Variants in FAM78B observed in about 807,000 individuals in gnomAD.
FAM78B encodes the protein protein FAM78B.
In FAM78B, 10 loss-of-function variants were observed where a neutral mutation model predicts 20.0. That is an observed-to-expected ratio of 0.50 (90% CI 0.31 to 0.85). The LOEUF is 0.85. Among genes scored for constraint, FAM78B ranks in the 40% least tolerant of loss-of-function variants. The pLI is 0.05. For synonymous variants in FAM78B, 135 were observed against 132.8 expected, an observed-to-expected ratio of 1.02 and a Z score of -0.12; for missense variants, 283 against 345.0, an observed-to-expected ratio of 0.82 and a Z score of 1.42.
At chr1:166,144,679 C>T (rs1655397467) in intron 1 of FAM78B, among the ~76,000 whole-genome samples, 1 of 152,128 alleles carries the variant, frequency 6.6e-6, no homozygotes, top group Non-Finnish European at 1.5e-5. Context: ...GGCTGTTTAT[C>T]TCTCAAACCT....
intron 1 of FAM78B, among the ~76,000 whole-genome samples, chr1:166,084,237 A>ACACACACACACACACACACACTCT (rs771421402): frequency 4.8e-5 from 6 of 125,476 alleles, no homozygotes; most frequent in African/African-American, 1.8e-4. Context: ...ACACACACAC[A>ACACACACACACACACACACACTCT]CTCTCTCTCT....
intron 1 of FAM78B, among the ~76,000 whole-genome samples, chr1:166,145,357 T>G (rs758590127): frequency 5.9e-5 from 9 of 152,214 alleles, no homozygotes; most frequent in Non-Finnish European, 1.3e-4. Flanking sequence ...CCTGTCTCAC[T>G]TCCCTGCCTG....
intron 1 of FAM78B, among the ~76,000 whole-genome samples, chr1:166,083,799 CT>C (rs33994343): frequency 0.022 from 2,038 of 92,210 alleles, 29 homozygotes; most frequent in African/African-American, 0.045. Context: ...ACGCACCCAG[CT>C]TTTTTTTTTT....
intron 1 of FAM78B, among the ~76,000 whole-genome samples, chr1:166,122,872 G>T (rs1398345136): frequency 6.6e-6 from 1 of 152,086 alleles, no homozygotes; most frequent in Non-Finnish European, 1.5e-5. Flanking sequence ...TCTGTTTTCA[G>T]GTTATCTTTA....
intron 1 of FAM78B, among the ~76,000 whole-genome samples, chr1:166,099,825 G>T (rs750511609): frequency 6.6e-6 from 1 of 152,164 alleles, no homozygotes; most frequent in African/African-American, 2.4e-5. Context: ...CACAATAATG[G>T]TAGGGGACTT....
intron 1 of FAM78B, among the ~76,000 whole-genome samples, chr1:166,153,148 G>T (rs958860276): frequency 6.6e-6 from 1 of 152,224 alleles, no homozygotes; most frequent in Non-Finnish European, 1.5e-5. Flanking sequence ...GGAAGACAGA[G>T]TGACTCATGG....
chr1:166,088,604 G>A (rs1215094929), intron 1 of FAM78B, among the ~76,000 whole-genome samples: 2 of 152,234 alleles, frequency 1.3e-5, no homozygotes, highest in Non-Finnish European at 2.9e-5. Context: ...AACGGTAGGT[G>A]TCACACTTAC....
At chr1:166,096,381 C>A (rs920430436) in intron 1 of FAM78B, among the ~76,000 whole-genome samples, 5 of 152,174 alleles carry the variant, frequency 3.3e-5, no homozygotes, top group Non-Finnish European at 5.9e-5. Flanking sequence ...GGGTAGCTCA[C>A]TTCACTGGCC....
intron 1 of FAM78B, among the ~76,000 whole-genome samples, chr1:166,133,616 A>C (rs760611123): frequency 6.9e-6 from 1 of 144,136 alleles, no homozygotes; most frequent in Non-Finnish European, 1.5e-5. Flanking sequence ...AAAAAAAAGA[A>C]CCGTAAATAT....
intron 1 of FAM78B, among the ~76,000 whole-genome samples, chr1:166,165,325 GGCCGGGACGCACTCGGT>G (rs1406503320): frequency 6.6e-6 from 1 of 152,178 alleles, no homozygotes; most frequent in Non-Finnish European, 1.5e-5. Context: ...CGCCCTTCTT[GGCCGGGACGCACTCGGT>G]GCCTTCCAGC....
At chr1:166,164,752 G>T (rs1224734885) in intron 1 of FAM78B, 1 of 152,168 alleles carries the variant, frequency 6.6e-6, no homozygotes, top group Non-Finnish European at 1.5e-5. Flanking sequence ...TTTAAAATGG[G>T]AACTCCCCCA....
At chr1:166,105,022 A>T (rs1022891712) in intron 1 of FAM78B, among the ~76,000 whole-genome samples, 11 of 152,212 alleles carry the variant, frequency 7.2e-5, no homozygotes, top group Non-Finnish European at 2.9e-5. Flanking sequence ...GACCAATGGA[A>T]CAGAACAGGG....
chr1:166,084,235 A>ACTCTCTCTCTCTCT (rs1482456707), intron 1 of FAM78B, among the ~76,000 whole-genome samples: 1 of 119,966 alleles, frequency 8.3e-6, no homozygotes, highest in Admixed American at 9.3e-5. Flanking sequence ...ACACACACAC[A>ACTCTCTCTCTCTCT]CACTCTCTCT....
chr1:166,146,666 G>T (rs1170690538), intron 1 of FAM78B, among the ~76,000 whole-genome samples: 1 of 152,166 alleles, frequency 6.6e-6, no homozygotes, highest in African/African-American at 2.4e-5. Context: ...TGGGTCAAGG[G>T]CGGCACATTA....
At chr1:166,158,538 T>C (rs767656829) in intron 1 of FAM78B, among the ~76,000 whole-genome samples, 7 of 152,168 alleles carry the variant, frequency 4.6e-5, no homozygotes, top group Non-Finnish European at 7.3e-5. Context: ...GCCGGGCACA[T>C]AGACCTTTCA....
chr1:166,149,245 TAAACAAACAAACAAAC>T (rs66539851), intron 1 of FAM78B, among the ~76,000 whole-genome samples: 8 of 151,650 alleles, frequency 5.3e-5, no homozygotes, highest in East Asian at 1.9e-4. Context: ...AAAGTATAAT[TAAACAAACAAACAAAC>T]AAACAAACAA....
chr1:166,133,009 T>C (rs1417919479), intron 1 of FAM78B, among the ~76,000 whole-genome samples: 3 of 152,208 alleles, frequency 2.0e-5, no homozygotes, highest in Non-Finnish European at 4.4e-5. Context: ...TCAGCAGCAC[T>C]GAGACTTTGT....
chr1:166,161,311 T>C (rs552685483), intron 1 of FAM78B, among the ~76,000 whole-genome samples: 1 of 152,164 alleles, frequency 6.6e-6, no homozygotes, highest in Non-Finnish European at 1.5e-5. Flanking sequence ...CATGCCCAGC[T>C]ACTTTTTGGA....
chr1:166,135,138 C>A (rs1203605448), intron 1 of FAM78B, among the ~76,000 whole-genome samples: 1 of 152,116 alleles, frequency 6.6e-6, no homozygotes, highest in Non-Finnish European at 1.5e-5. Context: ...GTTAATTTTC[C>A]CCAGATGACT....
Sources: gnomAD v4.1 joint callset for allele counts (sites outside exome capture counted in the v4.1 genomes callset) on GRCh38, gnomAD v4.1.1 for gene constraint, MANE v1.5 for transcripts, NCBI Gene and HGNC (gene_info 2026-07-23, HGNC 2026-07-21) for gene names.